The following SREBF2 variants were observed in gnomAD, a reference collection of about 807,000 sequenced individuals.
The protein encoded by SREBF2 is sterol regulatory element-binding protein 2.
SREBF2 carries 55 observed loss-of-function variants against 113.1 expected under a neutral mutation model. That is an observed-to-expected ratio of 0.49 (90% CI 0.39 to 0.61). The LOEUF (loss-of-function observed/expected upper bound fraction) is 0.61. Among genes scored for constraint, SREBF2 ranks in the 20% least tolerant of loss-of-function variants. SREBF2 has a pLI of 0.00. For synonymous variants in SREBF2, 593 were observed against 605.7 expected (o/e 0.98, Z 0.31); for missense variants, 1,349 against 1,487.4 (o/e 0.91, Z 1.53).
At chr22:41,844,029 TACATAC>T (rs987702568) in intron 1 of SREBF2, among the ~76,000 whole-genome samples, 9 of 48,770 alleles carry the variant, frequency 1.8e-4, no homozygotes, top group African/African-American at 6.7e-4. Flanking sequence ...AAAAAAAAAA[TACATAC>T]ACACACACAC....
At chr22:41,873,665 A>T in intron 4 of SREBF2, 133 bp from the exon 5 acceptor site, 1 of 890,566 alleles carries the variant, frequency 1.1e-6, no homozygotes, top group Non-Finnish European at 1.8e-6. Flanking sequence ...TGATTAACCC[A>T]GGAAGAGTCT....
At chr22:41,857,791 T>G (rs2076991408) in intron 1 of SREBF2, among the ~76,000 whole-genome samples, 1 of 152,148 alleles carries the variant, frequency 6.6e-6, no homozygotes, top group African/African-American at 2.4e-5. Flanking sequence ...CCCTGGTGTT[T>G]GAGTGGAGTG....
intron 1 of SREBF2, among the ~76,000 whole-genome samples, chr22:41,852,680 G>A (rs1042803821): frequency 7.1e-6 from 1 of 140,330 alleles, no homozygotes; most frequent in African/African-American, 2.6e-5. Context: ...AATTGATGAA[G>A]TTATCTGACT....
intron 9 of SREBF2, among the ~76,000 whole-genome samples, chr22:41,879,750 C>G (rs1186488882): frequency 6.6e-6 from 1 of 152,140 alleles, no homozygotes; most frequent in African/African-American, 2.4e-5. Context: ...TTTCATTTCC[C>G]AAGACTATAT....
chr22:41,847,037 G>C (rs1021667419), intron 1 of SREBF2, among the ~76,000 whole-genome samples: 1 of 152,200 alleles, frequency 6.6e-6, no homozygotes, highest in Non-Finnish European at 1.5e-5. Context: ...TTGAGTGGAT[G>C]TTTGTATTTG....
chr22:41,865,180 C>A (rs2077063898), intron 1 of SREBF2, among the ~76,000 whole-genome samples: 1 of 151,764 alleles, frequency 6.6e-6, no homozygotes, highest in Admixed American at 6.6e-5. Context: ...GCATCAGAGA[C>A]CTGAGAAGGA....
intron 1 of SREBF2, among the ~76,000 whole-genome samples, chr22:41,837,954 T>C (rs1169502453): frequency 1.3e-5 from 2 of 152,172 alleles, no homozygotes; most frequent in African/African-American, 2.4e-5. Context: ...CAATAAAGCA[T>C]GTGTGCTAGT....
In SREBF2 at chr22:41,878,066, G is replaced by A. The variant is rs557989374; in HGVS notation, c.1704G>A (p.Ser568=). The stretch of plus-strand genomic sequence containing the variant: ...GGGAGCCAGTGATCCGGCCACACTC[G>A]CGCTCCTCGGTCACCTTCTGGAGGC... ...VHGEPVIRPH[S]RSSVTFWRHR... Residue 568 remains serine (S), a synonymous_variant, in exon 9 of 19, where the codon TCG becomes TCA. Transcript: ENST00000361204. 124 of 1,614,164 alleles carry A rather than the reference G, an allele frequency of 7.7e-5. No individual in the cohort carries two copies. Among genetic ancestry groups the A allele is most frequent in the Admixed American group, 2.8e-4 (17 of 60,014 alleles).
At chr22:41,892,305 A>C (rs1341797127) in intron 11 of SREBF2, among the ~76,000 whole-genome samples, 2 of 152,266 alleles carry the variant, frequency 1.3e-5, no homozygotes, top group African/African-American at 4.8e-5. Context: ...AAGAAAAATT[A>C]GTCAAAGCAG....
chr22:41,904,998 A>C, intron 18 of SREBF2, 24 bp downstream of exon 18: 1,644 of 1,547,500 alleles, frequency 1.1e-3, no homozygotes, highest in Non-Finnish European at 1.3e-3. Flanking sequence ...TCCCCAGCTC[A>C]CAGGCTGGGC....
intron 5 of SREBF2, among the ~76,000 whole-genome samples, 159 bp from the exon 6 acceptor site, chr22:41,875,178 T>G (rs1432667126): frequency 6.6e-6 from 1 of 152,218 alleles, no homozygotes; most frequent in Non-Finnish European, 1.5e-5. Flanking sequence ...ATGGAATAAC[T>G]TCTCCCGAGT....
intron 1 of SREBF2, among the ~76,000 whole-genome samples, chr22:41,859,802 T>A (rs2077009347): frequency 1.1e-5 from 1 of 92,748 alleles, no homozygotes; most frequent in African/African-American, 6.1e-5. Context: ...GGTGATTCTT[T>A]TTTTTTTTTT....
rs1014982236 is a variant in SREBF2 at position 41,880,926 on chromosome 22, G to A, written c.1972G>A (p.Glu658Lys). The change falls in exon 10 of 19, where the codon GAA becomes AAA. Residue 658 changes from glutamate (E) to lysine (K), a missense_variant. Physicochemically the swap from Glu to Lys is moderately conservative, Grantham distance 56. Coordinates refer to ENST00000361204, the MANE Select transcript of SREBF2 (RefSeq NM_004599.4). Reference sequence around the variant, plus strand: ...AGCCACTGAGGCAGGCTTTGAAGACGAAGCTAAGACCAGCGCCCGGGATGC... The same window carrying A: ...AGCCACTGAGGCAGGCTTTGAAGACAAAGCTAAGACCAGCGCCCGGGATGC... ...TPATEAGFED[E>K]AKTSARDAAL... 55 of 1,613,246 alleles carry A rather than the reference G, an allele frequency of 3.4e-5. No individual in the cohort carries two copies. The highest frequency in any genetic ancestry group is 4.5e-5 in the Non-Finnish European group (53 of 1,180,050).
Position 41,900,897 on chromosome 22 carries a change from C to G in SREBF2, c.2907+399C>G, listed in dbSNP as rs775397363. 57 of 526,268 alleles carry G rather than the reference C, an allele frequency of 1.1e-4. 1 individual carries two copies. The highest frequency in any genetic ancestry group is 1.9e-5 in the Non-Finnish European group (5 of 258,632). 32.6% of individuals were successfully genotyped at this position (526,268 alleles called of 1,614,324 possible). A position where few individuals can be genotyped will look rare whatever the true frequency, so the allele number is the denominator to read the frequency against. On this transcript the variant is annotated intron_variant, in intron 16 of 18. Transcript: ENST00000361204. ...TCGGGCACACAAACAGAGCTGAAGA[C>G]CACCCTGGGCACCTCCTTGGCTGGC...
chr22:41,867,226 A>T lies in SREBF2; in HGVS notation c.484A>T (p.Thr162Ser), dbSNP rs1357176810. ...GCCAACATTCAGCACCACTCCGCAG[A>T]CGAGGATCATCCAGCAGCCTTTGAT... ...ITPTFSTTPQ[T>S]RIIQQPLIYQ... is the part of the protein sequence containing the mutation. Residue 162 changes from threonine (T) to serine (S), a missense_variant, in exon 2 of 19, where the codon ACG becomes TCG. By Grantham distance (58) the Thr-to-Ser change is moderately conservative (BLOSUM62 1). Around this residue, in one of 2 missense-constraint regions of SREBF2, gnomAD observed 699 missense variants for 843.3 expected, o/e 0.83. Coordinates refer to ENST00000361204, the MANE Select transcript of SREBF2 (RefSeq NM_004599.4). 6.2e-7 allele frequency: 1 copy of T among 1,614,240 alleles called. No homozygotes were observed. Among genetic ancestry groups the T allele is most frequent in the Non-Finnish European group, 8.5e-7 (1 of 1,180,046 alleles).
rs2077135611 is a variant in SREBF2, at chr22:41,871,034, C to T, written c.866C>T (p.Pro289Leu). 1 of 1,613,964 alleles carries T rather than the reference C, an allele frequency of 6.2e-7. No homozygotes were observed. Among genetic ancestry groups the T allele is most frequent in the African/African-American group, 1.3e-5 (1 of 74,884 alleles). The change falls in exon 4 of 19, where the codon CCA (proline) becomes CTA (leucine). Residue 289 changes from proline (P) to leucine (L), a missense_variant and splice_region_variant. Pro to Leu is a moderately conservative substitution (Grantham distance 98). Around this residue, in one of 2 missense-constraint regions of SREBF2, gnomAD observed 699 missense variants for 843.3 expected, o/e 0.83. Coordinates refer to ENST00000361204, the MANE Select transcript of SREBF2 (RefSeq NM_004599.4). ...ATCCAGACGGCTGCCCTTCAAGTAC[C>T]AGTAAGAGCTGCCTTCTCCCCCACC... ...TPIQTAALQV[P>L]TLVGSSGTIL...
In SREBF2 at chr22:41,875,209, G is replaced by A. The variant is rs1309918108; in HGVS notation, c.1090-128G>A. 7 of 747,610 alleles carry A rather than the reference G, an allele frequency of 9.4e-6. No individual in the cohort carries two copies. The African/African-American group carries it at 1.2e-4, about 13-fold the overall frequency. The allele number at this position is 747,610 out of a possible 1,614,324, so 46.3% of individuals were successfully genotyped here. ...CGAGTGGCACAGCTAATCATTGGGA[G>A]GACCAGCATCTGAACTTGGTTTCTC... On this transcript the variant is annotated intron_variant, in intron 5 of 18. Transcript: ENST00000361204.
At chr22:41,898,571 G>GGAA in intron 14 of SREBF2, 78 bp from the exon 15 acceptor site, 1 of 1,593,890 alleles carries the variant, frequency 6.3e-7, no homozygotes, top group South Asian at 1.1e-5. Flanking sequence ...CTCCTAGGAA[G>GGAA]GAAGTGTAGC....
At position 41,866,980 on chromosome 22, in the gene SREBF2, A is replaced by C; in HGVS notation, c.238A>C (p.Ser80Arg). Residue 80 changes from serine (S) to arginine (R), a missense_variant, in exon 2 of 19, where the codon AGC (serine) becomes CGC (arginine). This residue lies in a region of SREBF2 where 699 missense variants were observed against 843.3 expected (regional missense o/e 0.83). Coordinates refer to ENST00000361204, the MANE Select transcript of SREBF2 (RefSeq NM_004599.4). ...SSSSSNGRGSSSGAVDPSVQR... is the reference protein window; with the variant it reads ...SSSSSNGRGSRSGAVDPSVQR... ...CAGCAGCAGCAATGGCAGGGGCAGC[A>C]GCAGCGGAGCTGTGGACCCTTCAGT... The C allele has an allele frequency of 1.2e-6, 2 of 1,614,238 alleles. No homozygotes were observed. Among genetic ancestry groups the C allele is most frequent in the Non-Finnish European group, 1.7e-6 (2 of 1,180,044 alleles).
Sources: allele counts gnomAD v4.1 joint callset (sites outside exome capture counted in the v4.1 genomes callset), GRCh38; gene constraint gnomAD v4.1.1; regional missense constraint gnomAD v4.1.1; transcripts MANE v1.5; gene names NCBI Gene and HGNC (gene_info 2026-07-23, HGNC 2026-07-21).